Variants in AGAP1 observed in about 807,000 individuals in gnomAD.
AGAP1 encodes the protein arf-GAP with GTPase, ANK repeat and PH domain-containing protein 1.
In AGAP1, 29 loss-of-function variants were observed where a neutral mutation model predicts 105.3. The observed-to-expected ratio is 0.28, with a 90% CI of 0.21 to 0.38. The LOEUF (loss-of-function observed/expected upper bound fraction) is 0.38. AGAP1 is among the 10% of genes least tolerant of loss of function. The pLI is 1.00. For missense variants in AGAP1, 998 were observed against 1,165.1 expected (o/e 0.86, Z 2.09); for synonymous variants, 509 against 485.9 (o/e 1.05, Z -0.63).
At chr2:235,717,489 C>G in intron 2 of AGAP1, 68 bp from the exon 3 acceptor site, 1 of 1,373,428 alleles carries the variant, frequency 7.3e-7, no homozygotes, top group Non-Finnish European at 1.0e-6. Flanking sequence ...ATTTTAGCCT[C>G]TTAGTATTTG....
intron 1 of AGAP1, among the ~76,000 whole-genome samples, chr2:235,624,376 C>CTTA (rs894392901): frequency 1.3e-5 from 2 of 152,164 alleles, no homozygotes; most frequent in African/African-American, 4.8e-5. Flanking sequence ...CTTCTGTGTC[C>CTTA]TTAGACAGTA....
chr2:235,744,188 C>G lies in AGAP1; in HGVS notation c.397-510C>G, dbSNP rs1952750647. 6.6e-6 allele frequency among the ~76,000 whole-genome samples: 1 copy of G among 152,178 alleles called. No individual in the cohort carries two copies. Among genetic ancestry groups the G allele is most frequent in the Admixed American group, 6.5e-5 (1 of 15,276 alleles). On this transcript the variant is annotated intron_variant, in intron 4 of 17. Coordinates refer to ENST00000304032, the MANE Select transcript of AGAP1 (RefSeq NM_001037131.3). This position sits in a 1 kb window ranked among gnomAD's most constrained non-coding sequence, Gnocchi z 5.2. ...AGGATGAGCCTGGGTTGAATCTTTA[C>G]CCTTCAACAGAGTAGGCCAGCCGCT... is the stretch of plus-strand genomic sequence containing the variant.
chr2:235,821,382 A>ATTTTTTTTTTTT (rs200107062), intron 9 of AGAP1, among the ~76,000 whole-genome samples: 15 of 133,810 alleles, frequency 1.1e-4, no homozygotes, highest in East Asian at 8.8e-4. Context: ...CAGAACTTCA[A>ATTTTTTTTTTTT]TTTTTTTTTT....
intron 16 of AGAP1, among the ~76,000 whole-genome samples, chr2:236,063,561 A>C (rs894180003): frequency 6.6e-6 from 1 of 152,244 alleles, no homozygotes; most frequent in Non-Finnish European, 1.5e-5. Context: ...ATGTTAAGAA[A>C]GGTAAAAGTT....
At chr2:235,531,949 C>T (rs1943059875) in intron 1 of AGAP1, among the ~76,000 whole-genome samples, 3 of 152,240 alleles carry the variant, frequency 2.0e-5, no homozygotes, top group South Asian at 2.1e-4. Flanking sequence ...GACTCCAGCC[C>T]TGTGAAGTGG....
intron 1 of AGAP1, among the ~76,000 whole-genome samples, chr2:235,687,740 T>TAA (rs1949527327): frequency 6.6e-6 from 1 of 152,108 alleles, no homozygotes; most frequent in African/African-American, 2.4e-5. Flanking sequence ...TGGCCAGAGA[T>TAA]TTATTTAAGA....
At chr2:235,809,881 T>C (rs1575524840) in intron 9 of AGAP1, among the ~76,000 whole-genome samples, 3 of 152,332 alleles carry the variant, frequency 2.0e-5, no homozygotes, top group Admixed American at 1.3e-4. Context: ...TGAGTGCTTA[T>C]TATGTAAGTG....
intron 6 of AGAP1, among the ~76,000 whole-genome samples, chr2:235,784,482 G>A (rs1031560724): frequency 1.3e-5 from 2 of 151,754 alleles, no homozygotes; most frequent in Admixed American, 6.6e-5. Flanking sequence ...AATCTTGATC[G>A]GAGATGGCCT....
chr2:235,942,854 G>C (rs2053324537), intron 12 of AGAP1, among the ~76,000 whole-genome samples: 1 of 152,008 alleles, frequency 6.6e-6, no homozygotes, highest in Admixed American at 6.6e-5. Flanking sequence ...ATTAGGAATA[G>C]GTAGTACAGT....
In AGAP1 at chr2:235,645,062, A is replaced by G. The variant is rs370606780; in HGVS notation, c.164-64117A>G. Reference sequence around the variant, plus strand: ...AGGTGCCTGCCACCATGCCCGGCTAATTTTTGTATTTTTAGTAGAGACAGG... The same window carrying G: ...AGGTGCCTGCCACCATGCCCGGCTAGTTTTTGTATTTTTAGTAGAGACAGG... On this transcript the variant is annotated intron_variant, in intron 1 of 17. Coordinates refer to ENST00000304032, the MANE Select transcript of AGAP1 (RefSeq NM_001037131.3). 2.3e-4 allele frequency among the ~76,000 whole-genome samples: 35 copies of G among 152,174 alleles called. No homozygotes were observed. In the South Asian group the frequency reaches 5.6e-3, roughly 24 times the overall value.
chr2:235,802,864 GTGA>G (rs1445004888), intron 8 of AGAP1, among the ~76,000 whole-genome samples: 22 of 150,446 alleles, frequency 1.5e-4, no homozygotes, highest in East Asian at 4.0e-4. Context: ...GGTTGTGATG[GTGA>G]TGATGCTGCT....
In AGAP1 at chr2:235,555,788, A is replaced by G. The variant is rs1269986516; in HGVS notation, c.163+60939A>G. ...GAGGAGACTTTGGGGGTCATCACTC[A>G]TTTCTGAGTTACAGAAGTTAAATAG... On this transcript the variant is annotated intron_variant, in intron 1 of 17. Coordinates refer to ENST00000304032, the MANE Select transcript of AGAP1 (RefSeq NM_001037131.3). This position sits in a 1 kb window ranked among gnomAD's most constrained non-coding sequence, Gnocchi z 5.1. Among the ~76,000 whole-genome samples, 2 of 152,242 alleles carry G rather than the reference A, an allele frequency of 1.3e-5. No homozygotes were observed. Among genetic ancestry groups the G allele is most frequent in the Non-Finnish European group, 2.9e-5 (2 of 68,010 alleles).
chr2:235,624,922 T>C (rs1334615245), intron 1 of AGAP1, among the ~76,000 whole-genome samples: 1 of 152,174 alleles, frequency 6.6e-6, no homozygotes, highest in African/African-American at 2.4e-5. Context: ...ACTCATGCTC[T>C]TGCCATGTGA....
rs1941399842 is a variant in AGAP1, at chr2:235,498,088, G to GGA, written c.163+3241_163+3242dup. On this transcript the variant is annotated intron_variant, in intron 1 of 17. Transcript: ENST00000304032. The stretch of plus-strand genomic sequence containing the variant: ...GGCTAATGCTTATTTCAGAGCGCGT[G>GGA]GAGGTGGGTCTGGGTTGTAAAATCT... 2.0e-5 allele frequency among the ~76,000 whole-genome samples: 3 copies of GGA among 152,140 alleles called. No individual in the cohort carries two copies. The South Asian group carries it at 6.2e-4, about 32-fold the overall frequency.
chr2:235,746,756 C>T (rs1254678650), intron 5 of AGAP1, among the ~76,000 whole-genome samples: 1 of 152,042 alleles, frequency 6.6e-6, no homozygotes, highest in African/African-American at 2.4e-5. Flanking sequence ...GCTGTGTGTG[C>T]AGACACCACT....
chr2:236,130,279 C>T lies in AGAP1; in HGVS notation c.*6157C>T, dbSNP rs1050467286. 3.9e-5 allele frequency: 6 copies of T among 152,000 alleles called. No individual in the cohort carries two copies. Among genetic ancestry groups the T allele is most frequent in the African/African-American group, 1.5e-4 (6 of 41,356 alleles). 9.4% of individuals were successfully genotyped at this position (152,000 alleles called of 1,614,324 possible). On this transcript the variant is annotated 3_prime_UTR_variant, in exon 18 of 18. Transcript: ENST00000304032. This position sits in a 1 kb window ranked among gnomAD's most constrained non-coding sequence, Gnocchi z 5.8. ...TGGCACAGGGTACCTGTAGGGAGCA[C>T]TCCCCCAACCTGAGGATGGTGAAAC...
chr2:235,893,744 G>A lies in AGAP1; in HGVS notation c.1155+10295G>A, dbSNP rs2050667927. Among the ~76,000 whole-genome samples, 1 of 152,166 alleles carries A rather than the reference G, an allele frequency of 6.6e-6. No individual in the cohort carries two copies. The highest frequency in any genetic ancestry group is 1.5e-5 in the Non-Finnish European group (1 of 68,036). ...CTGCCCAGGGGCTGTCATGTGAGTG[G>A]CACATAGGTATTGCTTAGTACACAC... On this transcript the variant is annotated intron_variant, in intron 10 of 17. Transcript: ENST00000304032. This position sits in a 1 kb window ranked among gnomAD's most constrained non-coding sequence, Gnocchi z 4.7.
rs1172836276 is a variant in AGAP1, at chr2:235,976,476, G to T, written c.1645+7853G>T. Among the ~76,000 whole-genome samples the T allele has an allele frequency of 6.6e-6, 1 of 152,216 alleles. No individual in the cohort carries two copies. Among genetic ancestry groups the T allele is most frequent in the African/African-American group, 2.4e-5 (1 of 41,448 alleles). On this transcript the variant is annotated intron_variant, in intron 13 of 17. Coordinates refer to ENST00000304032, the MANE Select transcript of AGAP1 (RefSeq NM_001037131.3). This position sits in a 1 kb window ranked among gnomAD's most constrained non-coding sequence, Gnocchi z 4.5. ...GATCACAGCAGGGGCAGCCAGAACG[G>T]AAGATTCCCATCGTGATGAACCGAC...
rs530299962 is a variant in AGAP1 at position 236,010,241 on chromosome 2, G to A, written c.1646-26320G>A. ...GCTGTAGCTTCTAAAAATAGGGAGA[G>A]GTGTAATAATTGGGAGCTGTTAACG... On this transcript the variant is annotated intron_variant, in intron 13 of 17. Coordinates refer to ENST00000304032, the MANE Select transcript of AGAP1 (RefSeq NM_001037131.3). Among the ~76,000 whole-genome samples, 3 of 152,222 alleles carry A rather than the reference G, an allele frequency of 2.0e-5. No homozygotes were observed. In the East Asian group the frequency reaches 5.8e-4, roughly 29 times the overall value.
Sources: allele counts gnomAD v4.1 joint callset (sites outside exome capture counted in the v4.1 genomes callset), GRCh38; gene constraint gnomAD v4.1.1; non-coding constraint Gnocchi (gnomAD v3.1); transcripts MANE v1.5; gene names NCBI Gene and HGNC (gene_info 2026-07-23, HGNC 2026-07-21).